The following SLC2A12 variants were observed in gnomAD, a reference collection of about 807,000 sequenced individuals.
SLC2A12 encodes solute carrier family 2 member 12.
A neutral mutation model predicts 41.8 loss-of-function variants in SLC2A12; 23 were observed. The observed-to-expected ratio is 0.55, with a 90% CI of 0.40 to 0.78. The LOEUF is 0.78. Ranked by LOEUF, SLC2A12 falls within the 30% of genes least tolerant of loss-of-function variation. The pLI is 0.00. For missense variants in SLC2A12, 654 were observed against 745.6 expected (o/e 0.88, Z 1.43); for synonymous variants, 295 against 285.9 (o/e 1.03, Z -0.32).
rs548468995 is a variant in SLC2A12 at position 134,040,135 on chromosome 6, G to C, written c.104-10414C>G. ...TCTGTCACCCAGGCTGGAGTGCAGT[G>C]GTGCGATCTCAGCTCACTGCAACCT... On this transcript the variant is annotated intron_variant, in intron 1 of 4. Transcript: ENST00000275230. 2.0e-5 allele frequency among the ~76,000 whole-genome samples: 3 copies of C among 149,944 alleles called. No homozygotes were observed. In the South Asian group the frequency reaches 6.3e-4, roughly 32 times the overall value.
At chr6:134,027,459 G>C (rs1456725612) in intron 2 of SLC2A12, among the ~76,000 whole-genome samples, 1 of 152,148 alleles carries the variant, frequency 6.6e-6, no homozygotes, top group Non-Finnish European at 1.5e-5. Context: ...TTGTGATAGA[G>C]AGGGAGAGAC....
intron 2 of SLC2A12, among the ~76,000 whole-genome samples, chr6:134,014,877 T>A (rs1206640913): frequency 1.3e-5 from 2 of 152,238 alleles, no homozygotes; most frequent in Non-Finnish European, 2.9e-5. Flanking sequence ...GCTACAAAAA[T>A]GTAGTTTTAA....
intron 2 of SLC2A12, among the ~76,000 whole-genome samples, chr6:134,014,531 T>A (rs1776929884): frequency 6.6e-6 from 1 of 152,242 alleles, no homozygotes; most frequent in Admixed American, 6.5e-5. Context: ...GCTTCGGAGA[T>A]CATATTTGAT....
chr6:133,994,095 C>G (rs1224944988), intron 4 of SLC2A12, among the ~76,000 whole-genome samples: 1 of 152,112 alleles, frequency 6.6e-6, no homozygotes, highest in Non-Finnish European at 1.5e-5. Flanking sequence ...TGACTCAGAC[C>G]AGGGCAGCCG....
intron 1 of SLC2A12, among the ~76,000 whole-genome samples, chr6:134,050,995 T>C (rs892413853): frequency 2.0e-5 from 3 of 152,170 alleles, no homozygotes; most frequent in African/African-American, 7.2e-5. Flanking sequence ...TGTCATGATC[T>C]CAGCTCACTG....
At position 134,035,758 on chromosome 6, in the gene SLC2A12, G is replaced by A. The variant is rs1413582171; in HGVS notation, c.104-6037C>T. On this transcript the variant is annotated intron_variant, in intron 1 of 4. Coordinates refer to ENST00000275230, the MANE Select transcript of SLC2A12 (RefSeq NM_145176.3). ...CGTTGCTAGAAGTTCAGCAGCAGCA[G>A]TAGGAGGAAGATCTCCAGTTTGCCT... Among the ~76,000 whole-genome samples the A allele has an allele frequency of 2.0e-5, 3 of 152,240 alleles. No individual in the cohort carries two copies. In the South Asian group the frequency reaches 6.2e-4, roughly 32 times the overall value.
intron 2 of SLC2A12, among the ~76,000 whole-genome samples, chr6:134,022,659 G>A (rs11154757): frequency 0.18 from 26,724 of 152,188 alleles, 2,462 homozygotes; most frequent in East Asian, 0.3. Context: ...CCTGTATGTC[G>A]TGGAAGAAAA....
intron 2 of SLC2A12, among the ~76,000 whole-genome samples, chr6:134,023,072 A>G (rs1777066901): frequency 6.6e-6 from 1 of 151,902 alleles, no homozygotes; most frequent in Non-Finnish European, 1.5e-5. Context: ...CTTTGCCCCA[A>G]CCCCCAGATA....
chr6:134,037,400 G>A (rs770727561), intron 1 of SLC2A12, among the ~76,000 whole-genome samples: 4 of 145,568 alleles, frequency 2.7e-5, no homozygotes, highest in South Asian at 2.2e-4. Context: ...TGGCTCTGTC[G>A]CCAGGCTGGA....
rs368870740 is a variant in SLC2A12, at chr6:134,039,547, AATAACCTAGCCCCTAAATTTGCAGC to A, written c.104-9851_104-9827del. Among the ~76,000 whole-genome samples, 648 of 152,292 alleles carry A rather than the reference AATAACCTAGCCCCTAAATTTGCAGC, an allele frequency of 4.3e-3. 11 individuals carry two copies. The highest frequency in any genetic ancestry group is 0.033 in the East Asian group (170 of 5,142). On this transcript the variant is annotated intron_variant, in intron 1 of 4. Transcript: ENST00000275230. ...CAATAACCAGATTTGCAGCATTGCA[AATAACCTAGCCCCTAAATTTGCAGC>A]ATAACCTAGCCCCTAAATCAGTTAT... is the stretch of plus-strand genomic sequence containing the variant.
At chr6:134,011,458 T>TA (rs1345285128) in intron 2 of SLC2A12, among the ~76,000 whole-genome samples, 11 of 150,760 alleles carry the variant, frequency 7.3e-5, no homozygotes, top group East Asian at 4.0e-4. Flanking sequence ...CCCGTCTCTA[T>TA]AAAAAAATAC....
intron 3 of SLC2A12, among the ~76,000 whole-genome samples, chr6:134,006,391 T>C (rs1465840602): frequency 6.6e-6 from 1 of 152,030 alleles, no homozygotes; most frequent in Non-Finnish European, 1.5e-5. Flanking sequence ...TTCAGTGACT[T>C]GTAAGTTATG....
At position 133,988,725 on chromosome 6, in the gene SLC2A12, C is replaced by T. The variant is rs867352449; in HGVS notation, c.*2430G>A. Reference sequence around the variant, plus strand: ...TGAGATTTTTAGACTTGTATTTTTCCTTTTTTTTAAAAAAAAAGTGTTTAT... The same window carrying T: ...TGAGATTTTTAGACTTGTATTTTTCTTTTTTTTTAAAAAAAAAGTGTTTAT... On this transcript the variant is annotated 3_prime_UTR_variant, in exon 5 of 5. Transcript: ENST00000275230. 1 of 150,424 alleles carries T rather than the reference C, an allele frequency of 6.6e-6. No homozygotes were observed. The highest frequency in any genetic ancestry group is 3.4e-3 in the Middle Eastern group (1 of 290). The allele number at this position is 150,424 out of a possible 1,614,324, so 9.3% of individuals were successfully genotyped here. A position where few individuals can be genotyped will look rare whatever the true frequency, so the allele number is the denominator to read the frequency against.
At chr6:134,036,405 G>A (rs933556931) in intron 1 of SLC2A12, among the ~76,000 whole-genome samples, 2 of 152,130 alleles carry the variant, frequency 1.3e-5, no homozygotes, top group Non-Finnish European at 2.9e-5. Context: ...CATTTCTGAA[G>A]TCCACTTCTC....
chr6:133,991,289 T>A lies in SLC2A12; in HGVS notation c.1720A>T (p.Ile574Phe). Residue 574 changes from isoleucine to phenylalanine, a missense_variant, in exon 5 of 5, where the codon ATT becomes TTT. Physicochemically the swap from Ile to Phe is conservative, Grantham distance 21. This residue lies in a region of SLC2A12 where 134 missense variants were observed against 180.5 expected (regional missense o/e 0.74). Coordinates refer to ENST00000275230, the MANE Select transcript of SLC2A12 (RefSeq NM_145176.3). ...LAKVNYVKNN[I>F]CFMSHHQEEL... ...TCTTGGTGATGACTCATAAAACAAA[T>A]GTTGTTTTTCACATAGTTCCTGAAA... is the stretch of plus-strand genomic sequence containing the variant. The A allele has an allele frequency of 6.2e-7, 1 of 1,613,324 alleles. No homozygotes were observed.
At position 134,029,325 on chromosome 6, in the gene SLC2A12, A is replaced by G. The variant is rs1202528513; in HGVS notation, c.500T>C (p.Leu167Pro). Residue 167 changes from leucine (L) to proline (P), a missense_variant, in exon 2 of 5, where the codon CTT (leucine) becomes CCT (proline). This residue lies in a region of SLC2A12 where 411 missense variants were observed against 412.1 expected (regional missense o/e 1.00). Transcript: ENST00000275230. ...AATCATCAGCTCATTCAGTGACACAAGAAGGCCTCTTCTGTGTTGAGGAGC... is the reference window on the plus strand; with the variant it reads ...AATCATCAGCTCATTCAGTGACACAGGAAGGCCTCTTCTGTGTTGAGGAGC... Reference protein sequence around the residue: ...EIAPQHRRGLLVSLNELMIVI... With the variant: ...EIAPQHRRGLPVSLNELMIVI... 2.5e-6 allele frequency: 4 copies of G among 1,614,142 alleles called. No individual in the cohort carries two copies. The highest frequency in any genetic ancestry group is 2.2e-5 in the South Asian group (2 of 91,088).
intron 2 of SLC2A12, among the ~76,000 whole-genome samples, chr6:134,017,131 T>C (rs955449516): frequency 2.0e-5 from 3 of 152,172 alleles, no homozygotes; most frequent in African/African-American, 7.2e-5. Context: ...TTAAAATAAA[T>C]TTTGTCTAAC....
At chr6:134,014,976 G>GT (rs1776936425) in intron 2 of SLC2A12, among the ~76,000 whole-genome samples, 1 of 152,226 alleles carries the variant, frequency 6.6e-6, no homozygotes, top group African/African-American at 2.4e-5. Context: ...AGTTCTTTAA[G>GT]TTTTTCCTGG....
At chr6:134,032,449 A>ATATATATTTATATATATAT (rs1562201692) in intron 1 of SLC2A12, among the ~76,000 whole-genome samples, 1 of 31,976 alleles carries the variant, frequency 3.1e-5, no homozygotes, top group African/African-American at 1.3e-4. Flanking sequence ...TATATATATA[A>ATATATATTTATATATATAT]ATATATATAT....
Sources: gnomAD v4.1 joint callset for allele counts (sites outside exome capture counted in the v4.1 genomes callset) on GRCh38, gnomAD v4.1.1 for gene constraint, gnomAD v4.1.1 regional missense constraint, MANE v1.5 for transcripts, NCBI Gene and HGNC (gene_info 2026-07-23, HGNC 2026-07-21) for gene names.